Variants in SLC35F1 observed in about 807,000 individuals in gnomAD.
The protein encoded by SLC35F1 is solute carrier family 35 member F1.
A neutral mutation model predicts 48.7 loss-of-function variants in SLC35F1; 14 were observed. The observed-to-expected ratio is 0.29, with a 90% CI of 0.19 to 0.45. The LOEUF (loss-of-function observed/expected upper bound fraction) is 0.45. Ranked by LOEUF, SLC35F1 falls within the 20% of genes least tolerant of loss-of-function variation. SLC35F1 has a pLI of 1.00. For synonymous variants in SLC35F1, 190 were observed against 202.2 expected (o/e 0.94, Z 0.51); for missense variants, 404 against 500.0 (o/e 0.81, Z 1.83).
At chr6:118,307,926 A>T (rs1049774435) in intron 7 of SLC35F1, among the ~76,000 whole-genome samples, 1 of 152,172 alleles carries the variant, frequency 6.6e-6, no homozygotes, top group Non-Finnish European at 1.5e-5. Context: ...GAAGCACAGG[A>T]CTGCCAAGAG....
At chr6:118,251,250 G>A (rs1163665183) in intron 3 of SLC35F1, among the ~76,000 whole-genome samples, 2 of 152,118 alleles carry the variant, frequency 1.3e-5, no homozygotes, top group African/African-American at 4.8e-5. Context: ...GTGAATAAAT[G>A]AGTCAAGAAA....
chr6:117,954,889 G>A (rs1004431650), intron 1 of SLC35F1, among the ~76,000 whole-genome samples: 1 of 152,178 alleles, frequency 6.6e-6, no homozygotes, highest in Non-Finnish European at 1.5e-5. Flanking sequence ...CTCATTGACT[G>A]TTATATGCTC....
chr6:118,086,409 C>T (rs946506672), intron 1 of SLC35F1, among the ~76,000 whole-genome samples: 15 of 152,170 alleles, frequency 9.9e-5, no homozygotes, highest in East Asian at 3.8e-4. Flanking sequence ...TGTGATTTAT[C>T]GAGGTTAGGA....
intron 1 of SLC35F1, among the ~76,000 whole-genome samples, chr6:118,029,610 T>C (rs1772010385): frequency 6.6e-6 from 1 of 152,154 alleles, no homozygotes; most frequent in South Asian, 2.1e-4. Flanking sequence ...TCTTGGAACA[T>C]ATTTCTCAAG....
chr6:117,995,501 A>G (rs1776972755), intron 1 of SLC35F1, among the ~76,000 whole-genome samples: 1 of 152,154 alleles, frequency 6.6e-6, no homozygotes, highest in Non-Finnish European at 1.5e-5. Flanking sequence ...CCAGCACTTT[A>G]GGAGGCCGAG....
At chr6:118,096,030 A>G (rs12206584) in intron 1 of SLC35F1, among the ~76,000 whole-genome samples, 32,887 of 152,084 alleles carry the variant, frequency 0.22, 3,774 homozygotes, top group East Asian at 0.31. Context: ...TGAGAGGCAT[A>G]ATATGGTGAC....
chr6:118,019,491 G>T (rs1255001269), intron 1 of SLC35F1, among the ~76,000 whole-genome samples: 2 of 152,134 alleles, frequency 1.3e-5, no homozygotes, highest in Admixed American at 6.5e-5. Flanking sequence ...GCGTGGTGGT[G>T]TATGCCTATA....
chr6:118,070,893 A>ATATATAC (rs1772694682), intron 1 of SLC35F1, among the ~76,000 whole-genome samples: 2 of 19,444 alleles, frequency 1.0e-4, no homozygotes, highest in Non-Finnish European at 2.6e-4. Flanking sequence ...TACATAGTAA[A>ATATATAC]TATATATACT....
chr6:118,133,920 A>G (rs549927278), intron 1 of SLC35F1, among the ~76,000 whole-genome samples: 1 of 152,184 alleles, frequency 6.6e-6, no homozygotes, highest in African/African-American at 2.4e-5. Flanking sequence ...GCGTTGGCCT[A>G]TCTCTCCATT....
chr6:118,233,398 C>T (rs1562333855), intron 2 of SLC35F1, among the ~76,000 whole-genome samples: 1 of 152,216 alleles, frequency 6.6e-6, no homozygotes, highest in Non-Finnish European at 1.5e-5. Flanking sequence ...AAGAGCTGTT[C>T]AAAGACTGCC....
intron 1 of SLC35F1, among the ~76,000 whole-genome samples, chr6:118,031,712 G>C (rs760220587): frequency 6.6e-6 from 1 of 152,198 alleles, no homozygotes; most frequent in African/African-American, 2.4e-5. Flanking sequence ...AGTGTGCTGC[G>C]AGTAGCAGCA....
intron 1 of SLC35F1, among the ~76,000 whole-genome samples, chr6:118,095,180 A>G (rs527307119): frequency 2.2e-4 from 34 of 152,236 alleles, no homozygotes; most frequent in Admixed American, 3.9e-4. Flanking sequence ...TGACAAGACA[A>G]AGGTCATGGC....
At chr6:118,129,612 A>G (rs1277066863) in intron 1 of SLC35F1, among the ~76,000 whole-genome samples, 1 of 152,084 alleles carries the variant, frequency 6.6e-6, no homozygotes, top group Non-Finnish European at 1.5e-5. Flanking sequence ...TGTAGGCGTA[A>G]TGGGTAGATT....
intron 1 of SLC35F1, among the ~76,000 whole-genome samples, chr6:117,938,264 A>T (rs1776184890): frequency 6.6e-6 from 1 of 152,212 alleles, no homozygotes. Context: ...TGTAACATAT[A>T]AGTAAATATC....
chr6:117,923,721 A>ATG lies in SLC35F1; in HGVS notation c.173+15823_173+15824insGT, dbSNP rs1172549252. ...TATACATATATGTACATATATACAT[A>ATG]TATACATATGTATATATACATATAT... On this transcript the variant is annotated intron_variant, in intron 1 of 7. Transcript: ENST00000360388. Among the ~76,000 whole-genome samples, 28 of 12,420 alleles carry ATG rather than the reference A, an allele frequency of 2.3e-3. 10 individuals are homozygous for ATG. The highest frequency in any genetic ancestry group is 0.01 in the African/African-American group (26 of 2,494). The allele number at this position is 12,420 out of a possible 152,430, so 8.1% of individuals were successfully genotyped here. A position where few individuals can be genotyped will look rare whatever the true frequency, so the allele number is the denominator to read the frequency against.
intron 2 of SLC35F1, among the ~76,000 whole-genome samples, chr6:118,167,530 G>A (rs1774336551): frequency 6.6e-6 from 1 of 152,004 alleles, no homozygotes; most frequent in African/African-American, 2.4e-5. Flanking sequence ...ACAATAATGA[G>A]TATATATTTG....
Position 118,314,500 on chromosome 6 carries a change from A to G in SLC35F1, c.*248A>G, listed in dbSNP as rs915979448. On this transcript the variant is annotated 3_prime_UTR_variant, in exon 8 of 8. Transcript: ENST00000360388. ...TGATCACAACTCCCCTGCATTCATT[A>G]CTGTGAAAATTTTTGAATCAAAAGC... 4 of 494,220 alleles carry G rather than the reference A, an allele frequency of 8.1e-6. No homozygotes were observed. The highest frequency in any genetic ancestry group is 5.7e-5 in the African/African-American group (3 of 52,660). 30.6% of individuals were successfully genotyped at this position (494,220 alleles called of 1,614,324 possible). A position where few individuals can be genotyped will look rare whatever the true frequency, so the allele number is the denominator to read the frequency against.
chr6:118,269,302 C>A (rs536304894), intron 4 of SLC35F1, among the ~76,000 whole-genome samples: 2 of 152,314 alleles, frequency 1.3e-5, no homozygotes, highest in Admixed American at 1.3e-4. Context: ...CCATGTGAAT[C>A]TGCTTAAGGC....
chr6:118,268,582 A>G (rs1407234041), intron 4 of SLC35F1, among the ~76,000 whole-genome samples: 1 of 101,374 alleles, frequency 9.9e-6, no homozygotes, highest in Non-Finnish European at 2.2e-5. Context: ...AGTCATATAT[A>G]TGTATATATA....
Sources: allele counts gnomAD v4.1 joint callset (sites outside exome capture counted in the v4.1 genomes callset), GRCh38; gene constraint gnomAD v4.1.1; transcripts MANE v1.5; gene names NCBI Gene and HGNC (gene_info 2026-07-23, HGNC 2026-07-21).